OSTN: variants seen among roughly 807,000 people sequenced by gnomAD.
The protein encoded by OSTN is osteocrin.
OSTN carries 9 observed loss-of-function variants against 12.0 expected under a neutral mutation model. The ratio of observed to expected loss-of-function variants is 0.75; its 90% CI spans 0.45 to 1.30. OSTN has a LOEUF of 1.30. Ranked by LOEUF, OSTN falls within the 50% of genes most tolerant of loss-of-function variation. The pLI is 0.00. For synonymous variants in OSTN, 59 were observed against 56.9 expected, an observed-to-expected ratio of 1.04 and a Z score of -0.16; for missense variants, 148 against 152.3, an observed-to-expected ratio of 0.97 and a Z score of 0.15.
chr3:191,230,089 T>TAAAC (rs1715012577), intron 3 of OSTN, among the ~76,000 whole-genome samples: 2 of 151,476 alleles, frequency 1.3e-5, no homozygotes, highest in South Asian at 4.2e-4. Flanking sequence ...AATAAATAAA[T>TAAAC]AAATAAATAA....
chr3:191,259,161 A>T (rs1329645287), intron 4 of OSTN, among the ~76,000 whole-genome samples: 1 of 151,688 alleles, frequency 6.6e-6, no homozygotes, highest in Admixed American at 6.6e-5. Context: ...AAGAGGAAGG[A>T]GAAGCAGGGA....
chr3:191,247,954 C>G (rs1411018595), intron 3 of OSTN, among the ~76,000 whole-genome samples: 2 of 152,092 alleles, frequency 1.3e-5, no homozygotes, highest in Non-Finnish European at 2.9e-5. Context: ...ATGCCTCAGA[C>G]TCCCGAGTAG....
chr3:191,214,323 C>T (rs1211748927), intron 2 of OSTN, among the ~76,000 whole-genome samples: 4 of 151,018 alleles, frequency 2.6e-5, no homozygotes, highest in African/African-American at 9.7e-5. Context: ...TGGTGGGCGC[C>T]TGTAGTCCCT....
intron 4 of OSTN, among the ~76,000 whole-genome samples, chr3:191,257,380 A>C (rs1715697461): frequency 6.6e-6 from 1 of 152,058 alleles, no homozygotes; most frequent in Non-Finnish European, 1.5e-5. Flanking sequence ...AAAATCTAGG[A>C]AGTAGGTAAT....
Position 191,265,100 on chromosome 3 carries a change from G to C in OSTN, c.*2247G>C, listed in dbSNP as rs1241099534. On this transcript the variant is annotated 3_prime_UTR_variant, in exon 5 of 5. Transcript: ENST00000682035. ...ATAAGTCAGCAATATACTAAATAAT[G>C]GGGCTATTCTTTTAACATAGCAGTA... 6.6e-6 allele frequency: 1 copy of C among 152,010 alleles called. No individual in the cohort carries two copies. Among genetic ancestry groups the C allele is most frequent in the East Asian group, 1.9e-4 (1 of 5,196 alleles). 9.4% of individuals were successfully genotyped at this position (152,010 alleles called of 1,614,324 possible).
At chr3:191,237,589 C>T (rs954631103) in intron 3 of OSTN, among the ~76,000 whole-genome samples, 2 of 152,196 alleles carry the variant, frequency 1.3e-5, no homozygotes. Context: ...CACCTGGCAT[C>T]CTTCTTTCAG....
intron 4 of OSTN, among the ~76,000 whole-genome samples, chr3:191,255,730 GA>G (rs200232138): frequency 5.7e-4 from 80 of 139,730 alleles, no homozygotes; most frequent in African/African-American, 1.8e-3. Flanking sequence ...TTTTAACTCT[GA>G]AAAAAAAAAC....
chr3:191,217,170 G>A (rs1714632805), intron 2 of OSTN: 2 of 152,210 alleles, frequency 1.3e-5, no homozygotes. Context: ...AAGAATGAAT[G>A]CAGGAGGAAC....
intron 4 of OSTN, among the ~76,000 whole-genome samples, chr3:191,259,580 A>C (rs1043022200): frequency 2.6e-5 from 4 of 151,708 alleles, no homozygotes; most frequent in Non-Finnish European, 4.4e-5. Context: ...AGGATGTATG[A>C]GGTGTCTCCA....
At chr3:191,223,070 T>G (rs1197397775) in intron 3 of OSTN, among the ~76,000 whole-genome samples, 1 of 152,190 alleles carries the variant, frequency 6.6e-6, no homozygotes, top group Non-Finnish European at 1.5e-5. Flanking sequence ...GTCTCAGGTA[T>G]GTCCTTCATA....
chr3:191,238,164 A>C (rs1472253317), intron 3 of OSTN, among the ~76,000 whole-genome samples: 2 of 152,162 alleles, frequency 1.3e-5, no homozygotes, highest in Non-Finnish European at 2.9e-5. Context: ...TGTGGGAAAC[A>C]CAAAAAAGGG....
chr3:191,206,883 T>C (rs983827396), intron 1 of OSTN, among the ~76,000 whole-genome samples: 1 of 152,192 alleles, frequency 6.6e-6, no homozygotes, highest in Non-Finnish European at 1.5e-5. Context: ...GTTTATAACT[T>C]AATGGAGTGG....
intron 3 of OSTN, among the ~76,000 whole-genome samples, chr3:191,231,389 G>C (rs1194277575): frequency 1.3e-5 from 2 of 150,888 alleles, no homozygotes; most frequent in African/African-American, 4.9e-5. Context: ...TAAACCACAA[G>C]ACTAAAATGT....
intron 1 of OSTN, among the ~76,000 whole-genome samples, chr3:191,199,807 A>C (rs1469145598): frequency 6.6e-6 from 1 of 152,076 alleles, no homozygotes; most frequent in Non-Finnish European, 1.5e-5. Flanking sequence ...CTTATATGTC[A>C]AATATGCAAA....
intron 4 of OSTN, 72 bp downstream of exon 4, chr3:191,250,205 C>T: frequency 3.4e-6 from 4 of 1,169,872 alleles, no homozygotes; most frequent in East Asian, 2.4e-5. Flanking sequence ...CTAATCAATC[C>T]ATTCTTGCTT....
chr3:191,237,867 C>G (rs1399438101), intron 3 of OSTN, among the ~76,000 whole-genome samples: 3 of 152,178 alleles, frequency 2.0e-5, no homozygotes, highest in Non-Finnish European at 4.4e-5. Flanking sequence ...CTCTTCTGCC[C>G]CGTTCCTGTT....
intron 3 of OSTN, among the ~76,000 whole-genome samples, chr3:191,242,843 A>G (rs936298869): frequency 6.6e-6 from 1 of 152,232 alleles, no homozygotes; most frequent in Admixed American, 6.5e-5. Flanking sequence ...ACCACATCAA[A>G]GATTTTTTAA....
intron 3 of OSTN, among the ~76,000 whole-genome samples, chr3:191,241,377 G>T (rs562233724): frequency 7.3e-5 from 11 of 151,606 alleles, no homozygotes; most frequent in Admixed American, 1.3e-4. Context: ...GTAGAGACGG[G>T]GTTTCACTAT....
chr3:191,248,123 T>C (rs866329491), intron 3 of OSTN, among the ~76,000 whole-genome samples: 1 of 152,104 alleles, frequency 6.6e-6, no homozygotes, highest in African/African-American at 2.4e-5. Flanking sequence ...CATGAGCCAC[T>C]GCGCCGGGCC....
Sources: gnomAD v4.1 joint callset for allele counts (sites outside exome capture counted in the v4.1 genomes callset) on GRCh38, gnomAD v4.1.1 for gene constraint, MANE v1.5 for transcripts, NCBI Gene and HGNC (gene_info 2026-07-23, HGNC 2026-07-21) for gene names.